Variants in COL28A1 observed in about 807,000 individuals in gnomAD.
COL28A1 encodes collagen type XXVIII alpha 1 chain.
COL28A1 carries 161 observed loss-of-function variants against 150.2 expected under a neutral mutation model. The ratio of observed to expected loss-of-function variants is 1.07; its 90% CI spans 0.94 to 1.22. The LOEUF (loss-of-function observed/expected upper bound fraction) is 1.22. Among genes scored for constraint, COL28A1 ranks in the 50% most tolerant of loss-of-function variants. The pLI, the probability that COL28A1 is intolerant of heterozygous loss-of-function variation, is 0.00. For missense variants in COL28A1, 1,617 were observed against 1,388.3 expected (o/e 1.16, Z -2.62); for synonymous variants, 552 against 469.7 (o/e 1.18, Z -2.26).
At chr7:7,394,229 C>T (rs1415818830) in intron 27 of COL28A1, among the ~76,000 whole-genome samples, 1 of 152,102 alleles carries the variant, frequency 6.6e-6, no homozygotes, top group East Asian at 1.9e-4. Flanking sequence ...AGGCAATGCC[C>T]CACCCTACTT....
the COL28A1 span, among the ~76,000 whole-genome samples, chr7:7,343,404 T>C: frequency 6.6e-6 from 1 of 152,088 alleles, no homozygotes; most frequent in Non-Finnish European, 1.5e-5. Flanking sequence ...TTTTAATCTC[T>C]TCATCTTTTT....
chr7:7,401,974 C>A (rs975462708), intron 27 of COL28A1, among the ~76,000 whole-genome samples: 1 of 152,142 alleles, frequency 6.6e-6, no homozygotes, highest in Non-Finnish European at 1.5e-5. Flanking sequence ...TCTAAACATG[C>A]AGGATTCAAT....
At chr7:7,429,821 C>T (rs920458969) in intron 25 of COL28A1, among the ~76,000 whole-genome samples, 1 of 152,172 alleles carries the variant, frequency 6.6e-6, no homozygotes. Flanking sequence ...CTCCCCCGGG[C>T]TCTGCCTGCA....
intron 15 of COL28A1, among the ~76,000 whole-genome samples, chr7:7,473,082 T>C (rs1288992368): frequency 2.0e-5 from 3 of 152,142 alleles, no homozygotes; most frequent in Non-Finnish European, 2.9e-5. Context: ...TTCTAGAAGA[T>C]AACATTGAAA....
upstream of COL28A1, among the ~76,000 whole-genome samples, chr7:7,538,010 G>T (rs1782707893): frequency 6.6e-6 from 1 of 152,152 alleles, no homozygotes; most frequent in African/African-American, 2.4e-5. Context: ...GATTAAAGTT[G>T]GTGGGAGGTT....
intron 26 of COL28A1, 104 bp downstream of exon 26, chr7:7,419,781 A>G (rs1784293428): frequency 1.6e-6 from 1 of 618,680 alleles, no homozygotes; most frequent in African/African-American, 1.9e-5. Flanking sequence ...ACCAAGAAAA[A>G]AATAAGTCAA....
chr7:7,458,215 G>C (rs940069777), intron 15 of COL28A1, among the ~76,000 whole-genome samples: 5 of 152,106 alleles, frequency 3.3e-5, no homozygotes, highest in Non-Finnish European at 7.3e-5. Flanking sequence ...TCGGGAGTTC[G>C]AGACCAGCCT....
In COL28A1 at chr7:7,373,127, C is replaced by T. The variant is rs1286168563; in HGVS notation, c.2779G>A (p.Val927Met). 6.2e-7 allele frequency: 1 copy of T among 1,614,210 alleles called. No individual in the cohort carries two copies. The highest frequency in any genetic ancestry group is 1.1e-5 in the South Asian group (1 of 91,078). Residue 927 changes from valine to methionine, a missense_variant, in exon 32 of 35, where the codon GTG (valine) becomes ATG (methionine). Physicochemically the swap from Val to Met is conservative, Grantham distance 21 (BLOSUM62 1). Transcript: ENST00000399429. This position sits in a 1 kb window ranked among gnomAD's most constrained non-coding sequence, Gnocchi z 4.1. Reference sequence around the variant, plus strand: ...ACCACCCCTATCACAAATATCTCCACATTGGTGTCACTGGCATTCTTCACC... The same window carrying T: ...ACCACCCCTATCACAAATATCTCCATATTGGTGTCACTGGCATTCTTCACC... ...EVVKNASDTN[V>M]EIFVIGVVKK...
At chr7:7,384,590 G>C (rs566840466) in intron 27 of COL28A1, among the ~76,000 whole-genome samples, 19 of 152,010 alleles carry the variant, frequency 1.2e-4, no homozygotes, top group Non-Finnish European at 2.5e-4. Flanking sequence ...TTTAAATTAG[G>C]CCTTATTATA....
intron 15 of COL28A1, among the ~76,000 whole-genome samples, chr7:7,460,950 G>T (rs1258727520): frequency 2.0e-5 from 3 of 152,156 alleles, no homozygotes; most frequent in Admixed American, 2.0e-4. Context: ...AGAACAGCAT[G>T]TGGAGGCTAG....
At chr7:7,355,022 G>A (rs756660414), downstream of COL28A1, among the ~76,000 whole-genome samples, 67 of 152,128 alleles carry the variant, frequency 4.4e-4, 1 homozygote, top group Non-Finnish European at 7.5e-4. Flanking sequence ...CAGGCTGAGC[G>A]GAATAAAGAA....
chr7:7,492,543 C>T (rs1384412620), intron 11 of COL28A1, among the ~76,000 whole-genome samples: 1 of 149,128 alleles, frequency 6.7e-6, no homozygotes, highest in Non-Finnish European at 1.5e-5. Context: ...CAAGGTCACG[C>T]CACCACACTC....
intron 34 of COL28A1, 63 bp downstream of exon 34, chr7:7,360,327 T>C: frequency 7.0e-7 from 1 of 1,437,936 alleles, no homozygotes; most frequent in Non-Finnish European, 9.2e-7. Context: ...CTTTCCTTTG[T>C]GCACCAAATC....
chr7:7,504,087 A>G (rs1780677741), intron 11 of COL28A1, among the ~76,000 whole-genome samples: 1 of 152,230 alleles, frequency 6.6e-6, no homozygotes, highest in Admixed American at 6.5e-5. Flanking sequence ...CAGAAAAATT[A>G]TAACCAACCC....
chr7:7,444,479 C>T lies in COL28A1; in HGVS notation c.1520G>A (p.Gly507Asp). 1 of 1,613,774 alleles carries T rather than the reference C, an allele frequency of 6.2e-7. No homozygotes were observed. Among genetic ancestry groups the T allele is most frequent in the South Asian group, 1.1e-5 (1 of 91,018 alleles). Residue 507 changes from glycine to aspartate, a missense_variant, in exon 19 of 35, where the codon GGC (glycine) becomes GAC (aspartate). Transcript: ENST00000399429. Reference sequence around the variant, plus strand: ...TGGTTGTCCTGGGAGCCCTATTGAGCCTGGCTCTCCCTGGTGAATGAACAA... The same window carrying T: ...TGGTTGTCCTGGGAGCCCTATTGAGTCTGGCTCTCCCTGGTGAATGAACAA... ...IGVQGPKGEP[G>D]SIGLPGQPGV...
intron 33 of COL28A1, among the ~76,000 whole-genome samples, chr7:7,363,945 C>T (rs1316321124): frequency 1.3e-5 from 2 of 152,014 alleles, no homozygotes; most frequent in Non-Finnish European, 1.5e-5. Context: ...CACGCCCAGC[C>T]TCCTCCACAT....
intron 18 of COL28A1, among the ~76,000 whole-genome samples, chr7:7,449,780 T>C (rs1199441854): frequency 6.6e-6 from 1 of 152,026 alleles, no homozygotes; most frequent in Non-Finnish European, 1.5e-5. Flanking sequence ...TTCTTCAAGG[T>C]ATCTGGAAAT....
chr7:7,457,303 A>AGAAT (rs1269735456), intron 15 of COL28A1, among the ~76,000 whole-genome samples: 2 of 152,196 alleles, frequency 1.3e-5, no homozygotes, highest in African/African-American at 4.8e-5. Context: ...GGCACAAACC[A>AGAAT]GAATGTTGAG....
At chr7:7,536,820 G>A (rs1782658912), upstream of COL28A1, among the ~76,000 whole-genome samples, 1 of 152,124 alleles carries the variant, frequency 6.6e-6, no homozygotes, top group African/African-American at 2.4e-5. Context: ...CAGGTGCTAG[G>A]CACTGTCCTG....
Sources: allele counts gnomAD v4.1 joint callset (sites outside exome capture counted in the v4.1 genomes callset), GRCh38; gene constraint gnomAD v4.1.1; non-coding constraint Gnocchi (gnomAD v3.1); transcripts MANE v1.5; gene names NCBI Gene and HGNC (gene_info 2026-07-23, HGNC 2026-07-21).